The following TEX15 variants were observed in gnomAD, a reference collection of about 807,000 sequenced individuals.
TEX15 encodes the protein testis expressed 15, meiosis and synapsis associated.
Under a neutral mutation model 237.3 loss-of-function variants are expected in TEX15, and 171 were observed. That is an observed-to-expected ratio of 0.72 (90% CI 0.64 to 0.82). TEX15 has a LOEUF of 0.82. Among genes scored for constraint, TEX15 ranks in the 40% least tolerant of loss-of-function variants. The pLI is 0.00. For synonymous variants in TEX15, 1,338 were observed against 1,269.8 expected, an observed-to-expected ratio of 1.05 and a Z score of -1.14; for missense variants, 3,750 against 3,646.5, an observed-to-expected ratio of 1.03 and a Z score of -0.73.
intron 1 of TEX15, among the ~76,000 whole-genome samples, chr8:30,899,846 TTA>T (rs1355746831): frequency 6.6e-6 from 1 of 152,164 alleles, no homozygotes; most frequent in East Asian, 1.9e-4. Flanking sequence ...TAATGACCTA[TTA>T]TAATGAGCTT....
In TEX15 at chr8:30,847,326, A is replaced by G. The variant is rs1175882963; in HGVS notation, c.2841T>C (p.Ser947=). 1 of 1,613,914 alleles carries G rather than the reference A, an allele frequency of 6.2e-7. No individual in the cohort carries two copies. The highest frequency in any genetic ancestry group is 8.5e-7 in the Non-Finnish European group (1 of 1,179,920). The change falls in exon 8 of 11, where the codon AGT becomes AGC. Residue 947 remains serine (S), a synonymous_variant. Transcript: ENST00000643185. The part of the protein sequence containing the change: ...ALLESEEDTI[S]AVKQKDTENT... The stretch of plus-strand genomic sequence containing the variant: ...TTTCAGTATCTTTTTGTTTCACGGC[A>G]CTAATGGTATCTTCTTCACTCTCTA...
chr8:30,864,154 T>G (rs1209238317), intron 5 of TEX15, among the ~76,000 whole-genome samples: 1 of 151,148 alleles, frequency 6.6e-6, no homozygotes, highest in Non-Finnish European at 1.5e-5. Flanking sequence ...AGCTGAAAAG[T>G]ACAGTAACTA....
rs61746109 is a variant in TEX15 at position 30,843,615 on chromosome 8, G to C, written c.6552C>G (p.Ser2184=). ...NECEAIMEHC[S]DCFDFSLSVP... Reference sequence around the variant, plus strand: ...CAGAAAGAGAAAAATCAAAGCAATCGGAACAATGCTCCATTATGGCTTCAC... The same window carrying C: ...CAGAAAGAGAAAAATCAAAGCAATCCGAACAATGCTCCATTATGGCTTCAC... The change falls in exon 8 of 11, where the codon TCC becomes TCG. Residue 2184 remains serine (S), a synonymous_variant. Coordinates refer to ENST00000643185, the MANE Select transcript of TEX15 (RefSeq NM_001350162.2). 5 of 1,612,708 alleles carry C rather than the reference G, an allele frequency of 3.1e-6. No homozygotes were observed. The South Asian group carries it at 5.5e-5, about 18-fold the overall frequency.
At position 30,848,182 on chromosome 8, in the gene TEX15, A is replaced by G. The variant is rs990301014; in HGVS notation, c.1985T>C (p.Leu662Ser). The G allele has an allele frequency of 5.6e-6, 9 of 1,611,528 alleles. No homozygotes were observed. The Admixed American group carries it at 6.7e-5, about 12-fold the overall frequency. Residue 662 changes from leucine (L) to serine (S), a missense_variant, in exon 8 of 11, where the codon TTG (leucine) becomes TCG (serine). Leu to Ser is a moderately radical substitution (Grantham distance 145). Coordinates refer to ENST00000643185, the MANE Select transcript of TEX15 (RefSeq NM_001350162.2). ...KISPIDNYIV[L>S]HQEYKESESH... is the part of the protein sequence containing the mutation. ...CTCACTCTCTTTGTATTCTTGGTGCAAAACAATGTAATTATCTATTGGACT... is the reference window on the plus strand; with the variant it reads ...CTCACTCTCTTTGTATTCTTGGTGCGAAACAATGTAATTATCTATTGGACT...
Position 30,839,927 on chromosome 8 carries a change from T to C in TEX15, c.8201A>G (p.Lys2734Arg), listed in dbSNP as rs762784312. Residue 2734 changes from lysine to arginine, a missense_variant, in exon 9 of 11, where the codon AAG (lysine) becomes AGG (arginine). Transcript: ENST00000643185. ...MKDVTKINRE[K>R]ATFKHPRTTG... ...CTACCTTGGATGCTTGAATGTTGCC[T>C]TTTCTCTGTTGATTTTTGTGACATC... The C allele has an allele frequency of 6.2e-7, 1 of 1,601,478 alleles. No homozygotes were observed. The highest frequency in any genetic ancestry group is 1.1e-5 in the South Asian group (1 of 88,436).
At chr8:30,893,991 G>A (rs1808845738) in intron 2 of TEX15, among the ~76,000 whole-genome samples, 1 of 151,902 alleles carries the variant, frequency 6.6e-6, no homozygotes, top group African/African-American at 2.4e-5. Context: ...ATCATATCAT[G>A]TTTCTTCATA....
chr8:30,888,771 A>G (rs1313815050), intron 2 of TEX15: 3 of 680,332 alleles, frequency 4.4e-6, no homozygotes, highest in Non-Finnish European at 6.8e-6. Flanking sequence ...AAGGTTCACA[A>G]GGATGTCCCT....
chr8:30,851,230 A>C (rs759521713), intron 7 of TEX15, among the ~76,000 whole-genome samples: 1 of 152,232 alleles, frequency 6.6e-6, no homozygotes, highest in Non-Finnish European at 1.5e-5. Flanking sequence ...TCAATATGAG[A>C]CTGGCTAAAT....
chr8:30,843,144 T>C lies in TEX15; in HGVS notation c.7023A>G (p.Arg2341=). ...GLEEDTIIAS[R]KSDHPINEAT... ...CTTCGTTTATTGGATGATCTGACTT[T>C]CTGGAAGCAATTATAGTATCCTCCT... The change falls in exon 8 of 11, where the codon AGA becomes AGG. Residue 2341 remains arginine (R), a synonymous_variant. Transcript: ENST00000643185. 1 of 1,613,158 alleles carries C rather than the reference T, an allele frequency of 6.2e-7. No homozygotes were observed.
chr8:30,848,619 C>A lies in TEX15; in HGVS notation c.1548G>T (p.Glu516Asp). 6.2e-7 allele frequency: 1 copy of A among 1,614,076 alleles called. No homozygotes were observed. Reference protein sequence around the residue: ...SQSWAHNMGSEDYDCIPPNKV... With the variant: ...SQSWAHNMGSDDYDCIPPNKV... ...TATTGGGAGGTATACAGTCATAGTC[C>A]TCAGAGCCCATGTTGTGAGCCCAAG... The change falls in exon 8 of 11, where the codon GAG (glutamate) becomes GAT (aspartate). Residue 516 changes from glutamate (E) to aspartate (D), a missense_variant. By Grantham distance (45) the Glu-to-Asp change is conservative. Coordinates refer to ENST00000643185, the MANE Select transcript of TEX15 (RefSeq NM_001350162.2).
At chr8:30,875,575 C>T (rs1808383118) in intron 3 of TEX15, among the ~76,000 whole-genome samples, 1 of 152,160 alleles carries the variant, frequency 6.6e-6, no homozygotes, top group Non-Finnish European at 1.5e-5. Flanking sequence ...AGGAAACAGA[C>T]TTTCTTAGGA....
chr8:30,889,962 T>TACAC (rs1808763418), intron 2 of TEX15, among the ~76,000 whole-genome samples: 1 of 128,204 alleles, frequency 7.8e-6, no homozygotes, highest in African/African-American at 3.1e-5. Flanking sequence ...TACATATATA[T>TACAC]ATATATGTAT....
intron 7 of TEX15, among the ~76,000 whole-genome samples, chr8:30,850,824 A>C (rs978637778): frequency 1.3e-5 from 2 of 152,210 alleles, no homozygotes; most frequent in African/African-American, 4.8e-5. Flanking sequence ...TTACATATAA[A>C]TTATTTTAAT....
At position 30,847,166 on chromosome 8, in the gene TEX15, C is replaced by A; in HGVS notation, c.3001G>T (p.Asp1001Tyr). ...TMPALSLNND[D>Y]HQIYQFKETC... ...TCTTTAAACTGGTATATCTGGTGAT[C>A]GTCATTATTTAGGCTTAATGCAGGC... The change falls in exon 8 of 11, where the codon GAT becomes TAT. Residue 1001 changes from aspartate to tyrosine, a missense_variant. Transcript: ENST00000643185. 1 of 1,613,818 alleles carries A rather than the reference C, an allele frequency of 6.2e-7. No homozygotes were observed. Among genetic ancestry groups the A allele is most frequent in the Non-Finnish European group, 8.5e-7 (1 of 1,179,850 alleles).
At chr8:30,881,609 A>AT (rs1491303378) in intron 3 of TEX15, among the ~76,000 whole-genome samples, 1 of 106,792 alleles carries the variant, frequency 9.4e-6, no homozygotes, top group African/African-American at 6.2e-5. Context: ...TTCCATCTTG[A>AT]CTTTTTATTT....
intron 7 of TEX15, among the ~76,000 whole-genome samples, chr8:30,858,348 T>TTGAC (rs1807957637): frequency 6.6e-6 from 1 of 151,874 alleles, no homozygotes; most frequent in South Asian, 2.1e-4. Flanking sequence ...GGTCTCCCTC[T>TTGAC]GTCACCTAGG....
chr8:30,866,814 T>C (rs1305024274), intron 5 of TEX15, among the ~76,000 whole-genome samples: 11 of 151,954 alleles, frequency 7.2e-5, no homozygotes, highest in Admixed American at 7.2e-4. Context: ...ACATCTTACA[T>C]AACCATAGCA....
Position 30,867,288 on chromosome 8 carries a change from C to T in TEX15, c.517G>A (p.Val173Ile). 6.7e-7 allele frequency: 1 copy of T among 1,493,524 alleles called. No homozygotes were observed. Among genetic ancestry groups the T allele is most frequent in the Non-Finnish European group, 9.0e-7 (1 of 1,108,880 alleles). 92.5% of individuals were successfully genotyped at this position (1,493,524 alleles called of 1,614,324 possible). Reference protein sequence around the residue: ...LNYSHSQSITVESILIFKVLF... With the variant: ...LNYSHSQSITIESILIFKVLF... ...ACCTTAAAAATTAAAATACTTTCTA[C>T]AGTAATGCTTTGACTATGAGAATAA... Residue 173 changes from valine to isoleucine, a missense_variant, in exon 5 of 11, where the codon GTA (valine) becomes ATA (isoleucine). Coordinates refer to ENST00000643185, the MANE Select transcript of TEX15 (RefSeq NM_001350162.2).
chr8:30,858,867 G>C (rs1216982484), intron 6 of TEX15, 37 bp from the exon 7 acceptor site: 1 of 1,427,472 alleles, frequency 7.0e-7, no homozygotes, highest in South Asian at 1.5e-5. Flanking sequence ...GATTAATTTT[G>C]GCAATCAGAG....
Sources: gnomAD v4.1 joint callset for allele counts (sites outside exome capture counted in the v4.1 genomes callset) on GRCh38, gnomAD v4.1.1 for gene constraint, MANE v1.5 for transcripts, NCBI Gene and HGNC (gene_info 2026-07-23, HGNC 2026-07-21) for gene names.